The following PDE11A variants were observed in gnomAD, a reference collection of about 807,000 sequenced individuals.
PDE11A encodes dual 3',5'-cyclic-AMP and -GMP phosphodiesterase 11A.
PDE11A carries 100 observed loss-of-function variants against 100.5 expected under a neutral mutation model. That is an observed-to-expected ratio of 1.00 (90% CI 0.85 to 1.18). The LOEUF is 1.18. PDE11A is among the 50% of genes most tolerant of loss of function. PDE11A has a pLI of 0.00. For missense variants in PDE11A, 1,141 were observed against 1,152.6 expected (o/e 0.99, Z 0.15); for synonymous variants, 381 against 420.8 (o/e 0.91, Z 1.16).
At chr2:177,933,921 G>A (rs560310436) in intron 2 of PDE11A, among the ~76,000 whole-genome samples, 18 of 152,216 alleles carry the variant, frequency 1.2e-4, no homozygotes, top group Non-Finnish European at 2.4e-4. Flanking sequence ...GATAGCTGGC[G>A]AGCCATGTGC....
intron 9 of PDE11A, among the ~76,000 whole-genome samples, chr2:177,791,520 T>TA (rs1171473803): frequency 8.1e-6 from 1 of 122,926 alleles, no homozygotes; most frequent in Non-Finnish European, 1.7e-5. Flanking sequence ...ACATGTACCC[T>TA]AAAACTTAAA....
chr2:177,705,795 C>T (rs2081269383), intron 13 of PDE11A, among the ~76,000 whole-genome samples: 1 of 152,070 alleles, frequency 6.6e-6, no homozygotes, highest in African/African-American at 2.4e-5. Flanking sequence ...ATTAATGTGC[C>T]CCAGTATTTC....
intron 19 of PDE11A, among the ~76,000 whole-genome samples, chr2:177,655,391 G>T (rs1323911654): frequency 1.3e-5 from 2 of 152,178 alleles, no homozygotes; most frequent in Non-Finnish European, 2.9e-5. Flanking sequence ...AGAACTCTGA[G>T]ATGTAGCGAA....
At chr2:177,946,072 T>G (rs1186897233) in intron 2 of PDE11A, among the ~76,000 whole-genome samples, 2 of 74,862 alleles carry the variant, frequency 2.7e-5, no homozygotes, top group Non-Finnish European at 5.2e-5. Flanking sequence ...GCCCCCCGCC[T>G]GGCCAGCCGC....
At chr2:177,921,471 C>CA (rs370144102) in intron 2 of PDE11A, among the ~76,000 whole-genome samples, 2,545 of 98,334 alleles carry the variant, frequency 0.026, 46 homozygotes, top group African/African-American at 0.067. Context: ...CATCTAAAAG[C>CA]AAAAAAAAAA....
intron 4 of PDE11A, among the ~76,000 whole-genome samples, chr2:177,877,295 G>A (rs193034078): frequency 3.2e-5 from 4 of 124,506 alleles, no homozygotes; most frequent in Non-Finnish European, 5.2e-5. Context: ...CTCCCAAGTC[G>A]CTGGGATTAC....
At chr2:177,845,496 C>T (rs1158470928) in intron 5 of PDE11A, among the ~76,000 whole-genome samples, 1 of 151,788 alleles carries the variant, frequency 6.6e-6, no homozygotes, top group Non-Finnish European at 1.5e-5. Context: ...AGGTGCTCCT[C>T]ACTTCCTAGA....
intron 2 of PDE11A, among the ~76,000 whole-genome samples, chr2:178,088,879 T>C (rs1317151494): frequency 1.3e-5 from 2 of 152,232 alleles, no homozygotes; most frequent in South Asian, 2.1e-4. Context: ...TTAATTCAAG[T>C]GTAGGAGACA....
At chr2:178,086,010 G>A (rs2087350155) in intron 2 of PDE11A, among the ~76,000 whole-genome samples, 1 of 152,158 alleles carries the variant, frequency 6.6e-6, no homozygotes, top group South Asian at 2.1e-4. Flanking sequence ...AAGTCACCTG[G>A]AGACTTGACT....
intron 9 of PDE11A, among the ~76,000 whole-genome samples, chr2:177,770,154 C>T (rs2082292898): frequency 6.6e-6 from 1 of 152,156 alleles, no homozygotes; most frequent in Non-Finnish European, 1.5e-5. Context: ...GCCCTATTGA[C>T]ATCAGCATTG....
At chr2:178,038,720 G>A (rs896559134) in intron 1 of PDE11A, among the ~76,000 whole-genome samples, 2 of 152,088 alleles carry the variant, frequency 1.3e-5, no homozygotes, top group African/African-American at 4.8e-5. Context: ...TCTTTTCTTG[G>A]CTGGGAGGTA....
rs550572399 is a variant in PDE11A at position 178,032,108 on chromosome 2, C to A, written c.913-17648G>T. Among the ~76,000 whole-genome samples the A allele has an allele frequency of 2.6e-5, 4 of 152,192 alleles. No homozygotes were observed. In the South Asian group the frequency reaches 8.3e-4, roughly 32 times the overall value. ...AACTTCTCAATAAATGACCCTAGGT[C>A]AATTGCTTATTCAAATAGAAAAGAA... On this transcript the variant is annotated intron_variant, in intron 1 of 19. Coordinates refer to ENST00000286063, the MANE Select transcript of PDE11A (RefSeq NM_016953.4).
chr2:177,818,935 G>C (rs1407733493), intron 7 of PDE11A, among the ~76,000 whole-genome samples: 2 of 146,274 alleles, frequency 1.4e-5, no homozygotes, highest in Non-Finnish European at 3.0e-5. Flanking sequence ...AGGGAGGTAA[G>C]TCATCATATG....
chr2:177,876,119 A>C (rs1032252304), intron 4 of PDE11A, among the ~76,000 whole-genome samples, 196 bp from the exon 5 acceptor site: 3 of 152,254 alleles, frequency 2.0e-5, no homozygotes, highest in African/African-American at 4.8e-5. Context: ...CTTACAAAGC[A>C]TACATTGTCA....
At chr2:177,821,533 T>C (rs970347853) in intron 6 of PDE11A, among the ~76,000 whole-genome samples, 3 of 151,914 alleles carry the variant, frequency 2.0e-5, no homozygotes, top group Admixed American at 1.3e-4. Flanking sequence ...CTTCAAAATA[T>C]ATATTTTAAA....
chr2:177,714,360 G>A (rs774025151), intron 12 of PDE11A, among the ~76,000 whole-genome samples: 1 of 152,142 alleles, frequency 6.6e-6, no homozygotes, highest in African/African-American at 2.4e-5. Context: ...TACTCATATT[G>A]TCCTTTCTAT....
intron 13 of PDE11A, among the ~76,000 whole-genome samples, chr2:177,704,967 A>C (rs1240564969): frequency 6.6e-6 from 1 of 152,096 alleles, no homozygotes; most frequent in Non-Finnish European, 1.5e-5. Flanking sequence ...CAGCCTCCCA[A>C]GTAGCTGGGA....
At chr2:178,040,890 A>G (rs1196854543) in intron 1 of PDE11A, among the ~76,000 whole-genome samples, 1 of 152,202 alleles carries the variant, frequency 6.6e-6, no homozygotes, top group African/African-American at 2.4e-5. Context: ...AAAGTCAACA[A>G]ATACAGAATG....
chr2:177,934,515 G>A (rs970667001), intron 2 of PDE11A, among the ~76,000 whole-genome samples: 2 of 152,196 alleles, frequency 1.3e-5, no homozygotes, highest in African/African-American at 4.8e-5. Flanking sequence ...GGAAAAAGGA[G>A]AATGCTCATA....
Sources: allele counts gnomAD v4.1 joint callset (sites outside exome capture counted in the v4.1 genomes callset), GRCh38; gene constraint gnomAD v4.1.1; transcripts MANE v1.5; gene names NCBI Gene and HGNC (gene_info 2026-07-23, HGNC 2026-07-21).